Variants in ACSM1 observed in about 807,000 individuals in gnomAD.
ACSM1 encodes acyl-coenzyme A synthetase ACSM1, mitochondrial.
ACSM1 carries 79 observed loss-of-function variants against 75.8 expected under a neutral mutation model. The observed-to-expected ratio is 1.04, with a 90% CI of 0.87 to 1.26. The LOEUF (loss-of-function observed/expected upper bound fraction) is 1.26. ACSM1 is among the 50% of genes most tolerant of loss of function. The probability of loss-of-function intolerance (pLI) is 0.00; values close to 1 mark genes in which losing one functional copy is unlikely to be tolerated. For synonymous variants in ACSM1, 279 were observed against 265.8 expected (o/e 1.05, Z -0.48); for missense variants, 676 against 720.1 (o/e 0.94, Z 0.70).
At chr16:20,640,115 T>A (rs2017962356) in intron 8 of ACSM1, among the ~76,000 whole-genome samples, 4 of 152,210 alleles carry the variant, frequency 2.6e-5, no homozygotes, top group Admixed American at 2.6e-4. Context: ...GACAAATATG[T>A]ACCTAGTTGC....
chr16:20,637,136 G>T, intron 9 of ACSM1: 1 of 760,466 alleles, frequency 1.3e-6, no homozygotes, highest in Non-Finnish European at 2.4e-6. Context: ...CAGCCTCTAG[G>T]TATTCTTTCC....
intron 7 of ACSM1, among the ~76,000 whole-genome samples, chr16:20,641,740 C>G (rs1404586384): frequency 6.6e-6 from 1 of 152,192 alleles, no homozygotes; most frequent in East Asian, 1.9e-4. Context: ...ATTGCCCCCA[C>G]AACCTGGTGT....
At chr16:20,637,254 A>C in intron 9 of ACSM1, 117 bp downstream of exon 9, 1 of 873,286 alleles carries the variant, frequency 1.1e-6, no homozygotes, top group Non-Finnish European at 2.0e-6. Context: ...ATAAATGAGA[A>C]GAGAGGAGGA....
In ACSM1 at chr16:20,657,655, G is replaced by A. The variant is rs372990270; in HGVS notation, c.992+4139C>T. On this transcript the variant is annotated intron_variant, in intron 7 of 13. Coordinates refer to ENST00000520010, the MANE Select transcript of ACSM1 (RefSeq NM_001318890.3). ...AAGTTTTAGGGTACATGTGCACAAC[G>A]TGCAGGTTTGTTACATATGGATACA... 7.2e-5 allele frequency among the ~76,000 whole-genome samples: 11 copies of A among 151,880 alleles called. No individual in the cohort carries two copies. In the East Asian group the frequency reaches 1.9e-3, roughly 27 times the overall value.
chr16:20,637,055 T>C, intron 9 of ACSM1: 1 of 739,998 alleles, frequency 1.4e-6, no homozygotes, highest in South Asian at 1.4e-5. Context: ...ATGTCACCAA[T>C]GTGTCTTCAA....
rs868188357 is a variant in ACSM1, at chr16:20,669,876, G to A, written c.863C>T (p.Thr288Ile). 8.1e-6 allele frequency: 13 copies of A among 1,614,034 alleles called. No homozygotes were observed. The Middle Eastern group carries it at 6.6e-4, about 82-fold the overall frequency. ...TLVEPWTAGC[T>I]VFIHHLPQFD... Reference sequence around the variant, plus strand: ...CTGTGGCAGATGGTGGATAAAGACTGTACAACCCGCTGTCCATGGTTCTAC... The same window carrying A: ...CTGTGGCAGATGGTGGATAAAGACTATACAACCCGCTGTCCATGGTTCTAC... The change falls in exon 6 of 14, where the codon ACA becomes ATA. Residue 288 changes from threonine (T) to isoleucine (I), a missense_variant. Transcript: ENST00000520010.
chr16:20,649,257 A>G (rs918554757), intron 7 of ACSM1, among the ~76,000 whole-genome samples: 5 of 152,156 alleles, frequency 3.3e-5, no homozygotes, highest in Non-Finnish European at 7.4e-5. Context: ...CAAACCATAA[A>G]TTCTCATCAG....
rs2152179658 is a variant in ACSM1 at position 20,625,542 on chromosome 16, G to A, written c.1428-20C>T. ...CGATACCTGGAGGATGAAGGGTTCTGAGGCAGATGCCAGGGCTGGGGTGAA... is the reference window on the plus strand; with the variant it reads ...CGATACCTGGAGGATGAAGGGTTCTAAGGCAGATGCCAGGGCTGGGGTGAA... On this transcript the variant is annotated intron_variant, in intron 11 of 13. Transcript: ENST00000520010. 6.2e-7 allele frequency: 1 copy of A among 1,609,092 alleles called. No homozygotes were observed. Among genetic ancestry groups the A allele is most frequent in the East Asian group, 2.2e-5 (1 of 44,658 alleles).
chr16:20,639,162 G>C (rs2017909050), intron 8 of ACSM1, among the ~76,000 whole-genome samples: 1 of 152,152 alleles, frequency 6.6e-6, no homozygotes. Flanking sequence ...GAAATGGATT[G>C]CAAATATGTT....
intron 7 of ACSM1, among the ~76,000 whole-genome samples, chr16:20,651,825 T>A (rs995171374): frequency 2.6e-5 from 4 of 152,126 alleles, no homozygotes; most frequent in Admixed American, 6.5e-5. Context: ...TCTAGCCAGC[T>A]TTAAAATTAT....
intron 4 of ACSM1, among the ~76,000 whole-genome samples, chr16:20,676,625 A>C (rs182378268): frequency 3.3e-5 from 5 of 152,280 alleles, no homozygotes; most frequent in Admixed American, 2.0e-4. Flanking sequence ...AAAGCTGATC[A>C]GAGGCTTAAC....
In ACSM1 at chr16:20,637,442, A is replaced by C; in HGVS notation, c.1126T>G (p.Cys376Gly). ...NYGQSETGLI[C>G]ATYWGMKIKP... ...ATCTTCATTCCCCAGTAGGTGGCAC[A>C]AATTAGTCCCTGTTCACAAAAGAAA... Residue 376 changes from cysteine to glycine, a missense_variant, in exon 9 of 14, where the codon TGT (cysteine) becomes GGT (glycine). Transcript: ENST00000520010. 1 of 1,613,874 alleles carries C rather than the reference A, an allele frequency of 6.2e-7. No individual in the cohort carries two copies. Among genetic ancestry groups the C allele is most frequent in the Non-Finnish European group, 8.5e-7 (1 of 1,179,972 alleles).
chr16:20,693,951 A>C (rs989015475), intron 1 of ACSM1, among the ~76,000 whole-genome samples: 1 of 152,244 alleles, frequency 6.6e-6, no homozygotes, highest in Non-Finnish European at 1.5e-5. Flanking sequence ...CTGTGCTAAG[A>C]TTCTTAAATA....
intron 5 of ACSM1, 53 bp downstream of exon 5, chr16:20,671,478 C>A (rs2019893998): frequency 6.7e-7 from 1 of 1,501,372 alleles, no homozygotes; most frequent in Non-Finnish European, 9.0e-7. Flanking sequence ...CACACACACA[C>A]AAACTTTGCC....
chr16:20,684,925 G>T (rs1693568015), intron 3 of ACSM1, among the ~76,000 whole-genome samples: 1 of 152,114 alleles, frequency 6.6e-6, no homozygotes, highest in African/African-American at 2.4e-5. Flanking sequence ...GTGTGAGGGA[G>T]AGAATAAGAG....
chr16:20,635,580 T>TTCTC (rs2017621749), intron 10 of ACSM1, among the ~76,000 whole-genome samples: 2 of 124,486 alleles, frequency 1.6e-5, no homozygotes, highest in Non-Finnish European at 3.4e-5. Context: ...TAATTTTTCT[T>TTCTC]TTTCTTTCTT....
intron 4 of ACSM1, among the ~76,000 whole-genome samples, chr16:20,672,341 G>A (rs71374822): frequency 0.058 from 8,647 of 147,874 alleles, 370 homozygotes; most frequent in East Asian, 0.16. Flanking sequence ...CCAGCTACTC[G>A]GGAGGCTGAG....
rs758307335 is a variant in ACSM1 at position 20,623,552 on chromosome 16, C to A, written c.1668G>T (p.Leu556=). 37 of 1,614,036 alleles carry A rather than the reference C, an allele frequency of 2.3e-5. No individual in the cohort carries two copies. Among genetic ancestry groups the A allele is most frequent in the Non-Finnish European group, 3.1e-5 (36 of 1,179,952 alleles). The change falls in exon 14 of 14, where the codon CTG becomes CTT. Residue 556 remains leucine (L), a synonymous_variant. Transcript: ENST00000520010. ...YPRKVEFVSE[L]PKTITGKIER... is the part of the protein sequence containing the mutation. ...CAATCTTGCCAGTGATGGTTTTTGG[C>A]AGCTCTGAGACAAACTCCACCTGGT...
rs1356041327 is a variant in ACSM1, at chr16:20,628,389, GCT to G, written c.1300-1075_1300-1074del. ...CCTCATCAGGAAGATCTCTGATGGT[GCT>G]CTTTTATAACCACACCCACCTCCCT... On this transcript the variant is annotated intron_variant, in intron 10 of 13. Coordinates refer to ENST00000520010, the MANE Select transcript of ACSM1 (RefSeq NM_001318890.3). Among the ~76,000 whole-genome samples, 3 of 152,088 alleles carry G rather than the reference GCT, an allele frequency of 2.0e-5. No individual in the cohort carries two copies. In the East Asian group the frequency reaches 5.8e-4, roughly 29 times the overall value.
Sources: gnomAD v4.1 joint callset for allele counts (sites outside exome capture counted in the v4.1 genomes callset) on GRCh38, gnomAD v4.1.1 for gene constraint, MANE v1.5 for transcripts, NCBI Gene and HGNC (gene_info 2026-07-23, HGNC 2026-07-21) for gene names.